TRPM3: variants seen among roughly 807,000 people sequenced by gnomAD.
TRPM3 encodes long transient receptor potential channel 3.
A neutral mutation model predicts 181.2 loss-of-function variants in TRPM3; 77 were observed. The observed-to-expected ratio is 0.42, with a 90% CI of 0.35 to 0.51. The LOEUF (loss-of-function observed/expected upper bound fraction) is 0.51, where lower values mean the gene tolerates loss of function less well. Among genes scored for constraint, TRPM3 ranks in the 20% least tolerant of loss-of-function variants. The pLI is 0.01. For synonymous variants in TRPM3, 745 were observed against 796.4 expected, an observed-to-expected ratio of 0.94 and a Z score of 1.09; for missense variants, 1,759 against 2,196.7, an observed-to-expected ratio of 0.80 and a Z score of 3.98.
At chr9:70,911,574 C>A (rs533438950) in intron 1 of TRPM3, among the ~76,000 whole-genome samples, 1 of 152,184 alleles carries the variant, frequency 6.6e-6, no homozygotes, top group Admixed American at 6.5e-5. Flanking sequence ...TCATGACATT[C>A]TACTAAAACC....
intron 1 of TRPM3, among the ~76,000 whole-genome samples, chr9:71,226,857 A>C (rs1421612129): frequency 2.0e-5 from 3 of 152,070 alleles, no homozygotes; most frequent in Admixed American, 6.6e-5. Context: ...ACAACAACAA[A>C]AAATCAAACT....
intron 1 of TRPM3, among the ~76,000 whole-genome samples, chr9:71,409,385 A>G (rs186296508): frequency 2.6e-5 from 4 of 152,212 alleles, no homozygotes; most frequent in Admixed American, 6.5e-5. Context: ...AGAGACACAC[A>G]TAGGCTCAAA....
At chr9:70,688,283 C>T (rs2067513302) in intron 8 of TRPM3, among the ~76,000 whole-genome samples, 1 of 78,992 alleles carries the variant, frequency 1.3e-5, no homozygotes, top group African/African-American at 4.9e-5. Context: ...TGATGTCACA[C>T]TCCCAAAACT....
rs145039084 is a variant in TRPM3 at position 70,772,998 on chromosome 9, C to G, written c.1148+11107G>C. Among the ~76,000 whole-genome samples the G allele has an allele frequency of 2.2e-3, 337 of 152,084 alleles. 1 individual carries two copies. Among genetic ancestry groups the G allele is most frequent in the Non-Finnish European group, 4.1e-3 (277 of 68,022 alleles). On this transcript the variant is annotated intron_variant, in intron 7 of 25. Coordinates refer to ENST00000677713, the MANE Select transcript of TRPM3 (RefSeq NM_001366145.2). ...ACCCATATAAAAGACAGAATCCGAGCTGGACTGAATTTTTGGGGCCTCCAG... is the reference window on the plus strand; with the variant it reads ...ACCCATATAAAAGACAGAATCCGAGGTGGACTGAATTTTTGGGGCCTCCAG...
intron 1 of TRPM3, among the ~76,000 whole-genome samples, chr9:71,115,984 T>C (rs542814694): frequency 6.6e-6 from 1 of 152,336 alleles, no homozygotes; most frequent in African/African-American, 2.4e-5. Context: ...CATTTTCTTT[T>C]ATTCTTTTCT....
chr9:71,335,061 A>G (rs1028742980), intron 1 of TRPM3, among the ~76,000 whole-genome samples: 1 of 152,180 alleles, frequency 6.6e-6, no homozygotes, highest in Admixed American at 6.5e-5. Context: ...GAATGAAATG[A>G]ACTAGAAGGT....
intron 1 of TRPM3, among the ~76,000 whole-genome samples, chr9:71,300,312 C>T (rs1470054005): frequency 6.6e-6 from 1 of 151,950 alleles, no homozygotes; most frequent in Non-Finnish European, 1.5e-5. Flanking sequence ...ATCATGGAAG[C>T]CCATGACAGG....
intron 22 of TRPM3, among the ~76,000 whole-genome samples, chr9:70,568,119 C>T (rs1010211946): frequency 2.0e-5 from 3 of 152,146 alleles, no homozygotes; most frequent in African/African-American, 7.2e-5. Flanking sequence ...GTGTAAGATG[C>T]AATTCTACTT....
chr9:71,096,590 A>ACACTCTCTCTCTCT (rs1452142664), intron 1 of TRPM3, among the ~76,000 whole-genome samples: 39 of 90,044 alleles, frequency 4.3e-4, no homozygotes, highest in African/African-American at 1.5e-3. Context: ...ACACACACAC[A>ACACTCTCTCTCTCT]CTCTCTCTCT....
chr9:71,256,656 T>C lies in TRPM3; in HGVS notation c.183+189997A>G, dbSNP rs188120204. Among the ~76,000 whole-genome samples, 574 of 152,212 alleles carry C rather than the reference T, an allele frequency of 3.8e-3. 6 individuals carry two copies. The highest frequency in any genetic ancestry group is 4.0e-3 in the Non-Finnish European group (275 of 67,988). On this transcript the variant is annotated intron_variant, in intron 1 of 24. Transcript: ENST00000357533. ...TGGATTTCAGATAGGGAGGAATGCA[T>C]GAGAGCCATGACCGTATGCCTGACA... is the stretch of plus-strand genomic sequence containing the variant.
At chr9:71,143,253 T>C (rs529797697) in intron 1 of TRPM3, among the ~76,000 whole-genome samples, 1 of 152,298 alleles carries the variant, frequency 6.6e-6, no homozygotes, top group South Asian at 2.1e-4. Flanking sequence ...ACTTGTGTCA[T>C]GGGGGTTTAT....
At chr9:70,577,505 G>T (rs1390366210) in intron 22 of TRPM3, among the ~76,000 whole-genome samples, 1 of 152,216 alleles carries the variant, frequency 6.6e-6, no homozygotes, top group Non-Finnish European at 1.5e-5. Context: ...GCCAGCCACT[G>T]TAATAGCCTC....
Position 70,672,024 on chromosome 9 carries a change from C to T in TRPM3, c.1345+9482G>A, listed in dbSNP as rs7859052. 3.0e-3 allele frequency among the ~76,000 whole-genome samples: 451 copies of T among 152,012 alleles called. 3 individuals carry two copies. The highest frequency in any genetic ancestry group is 0.01 in the African/African-American group (431 of 41,426). ...ACCTCAAATGATCTGCCTGCCTCGG[C>T]CTCCCAAAAGTACTCCTTTTAATAT... On this transcript the variant is annotated intron_variant, in intron 9 of 25. Coordinates refer to ENST00000677713, the MANE Select transcript of TRPM3 (RefSeq NM_001366145.2).
At chr9:70,540,764 C>G (rs1009932746) in intron 25 of TRPM3, among the ~76,000 whole-genome samples, 9 of 152,012 alleles carry the variant, frequency 5.9e-5, no homozygotes, top group African/African-American at 1.9e-4. Flanking sequence ...ACTCTGTCAC[C>G]CAGGCTGGCG....
intron 1 of TRPM3, among the ~76,000 whole-genome samples, chr9:71,084,970 A>C (rs2133816463): frequency 6.6e-6 from 1 of 152,136 alleles, no homozygotes; most frequent in South Asian, 2.1e-4. Context: ...CCAGAAGTAA[A>C]GCCACACACC....
chr9:71,153,472 G>T (rs916770642), intron 1 of TRPM3, among the ~76,000 whole-genome samples: 4 of 151,812 alleles, frequency 2.6e-5, no homozygotes, highest in Admixed American at 1.3e-4. Flanking sequence ...TGTATTTTTA[G>T]TAGAGATGGG....
At chr9:71,338,009 C>G (rs1173566579) in intron 1 of TRPM3, among the ~76,000 whole-genome samples, 1 of 151,734 alleles carries the variant, frequency 6.6e-6, no homozygotes, top group Non-Finnish European at 1.5e-5. Flanking sequence ...TGCAGCAAAC[C>G]ACCATGGCAC....
chr9:71,200,565 G>C (rs547511572), intron 1 of TRPM3, among the ~76,000 whole-genome samples: 1 of 152,180 alleles, frequency 6.6e-6, no homozygotes, highest in South Asian at 2.1e-4. Flanking sequence ...TCCTGCATTG[G>C]GTGCATATAT....
At chr9:71,421,479 T>C (rs1470563787) in intron 1 of TRPM3, among the ~76,000 whole-genome samples, 1 of 151,962 alleles carries the variant, frequency 6.6e-6, no homozygotes, top group Non-Finnish European at 1.5e-5. Flanking sequence ...AAAGAAAATG[T>C]TCCTGCCTAG....
Sources: gnomAD v4.1 joint callset for allele counts (sites outside exome capture counted in the v4.1 genomes callset) on GRCh38, gnomAD v4.1.1 for gene constraint, MANE v1.5 for transcripts, NCBI Gene and HGNC (gene_info 2026-07-23, HGNC 2026-07-21) for gene names.